The following PDE10A variants were observed in gnomAD, a reference collection of about 807,000 sequenced individuals.
PDE10A encodes cAMP and cAMP-inhibited cGMP 3',5'-cyclic phosphodiesterase 10A.
PDE10A carries 39 observed loss-of-function variants against 97.7 expected under a neutral mutation model. The ratio of observed to expected loss-of-function variants is 0.40; its 90% CI spans 0.31 to 0.52. The LOEUF is 0.52. Among genes scored for constraint, PDE10A ranks in the 20% least tolerant of loss-of-function variants. The pLI, the probability that PDE10A is intolerant of heterozygous loss-of-function variation, is 0.56. For synonymous variants in PDE10A, 371 were observed against 376.8 expected (o/e 0.98, Z 0.18); for missense variants, 731 against 1,047.8 (o/e 0.70, Z 4.17).
chr6:165,594,218 A>G (rs1177152825), intron 1 of PDE10A, among the ~76,000 whole-genome samples: 2 of 152,188 alleles, frequency 1.3e-5, no homozygotes, highest in Non-Finnish European at 2.9e-5. Context: ...TTCCTTGGAG[A>G]AGTGGCTGAT....
At chr6:165,455,660 C>A (rs1777912294) in intron 3 of PDE10A, among the ~76,000 whole-genome samples, 1 of 152,178 alleles carries the variant, frequency 6.6e-6, no homozygotes, top group Admixed American at 6.5e-5. Context: ...AGAAGAGGTT[C>A]TCTTAGGTTG....
At chr6:165,591,928 G>A (rs73022170) in intron 1 of PDE10A, among the ~76,000 whole-genome samples, 3 of 151,844 alleles carry the variant, frequency 2.0e-5, no homozygotes, top group Non-Finnish European at 4.4e-5. Context: ...AGACAAAAAT[G>A]CTATAGTAGC....
At chr6:165,522,383 T>C (rs1348826641) in intron 2 of PDE10A, among the ~76,000 whole-genome samples, 2 of 152,152 alleles carry the variant, frequency 1.3e-5, no homozygotes, top group Admixed American at 6.5e-5. Flanking sequence ...CTGATGAACA[T>C]AGATGGAAAA....
chr6:165,555,986 G>T (rs1399830372), intron 1 of PDE10A, among the ~76,000 whole-genome samples: 2 of 152,080 alleles, frequency 1.3e-5, no homozygotes, highest in Non-Finnish European at 1.5e-5. Flanking sequence ...TCAACAATTT[G>T]AAAAAACTTG....
chr6:165,796,815 A>G (rs1494768), intron 1 of PDE10A, among the ~76,000 whole-genome samples: 80,721 of 151,990 alleles, frequency 0.53, 21,771 homozygotes, highest in Middle Eastern at 0.6. Context: ...CACCAGCCCC[A>G]GCCCCACTTT....
At chr6:165,535,158 C>A (rs1474327436) in intron 2 of PDE10A, among the ~76,000 whole-genome samples, 1 of 151,700 alleles carries the variant, frequency 6.6e-6, no homozygotes, top group Non-Finnish European at 1.5e-5. Flanking sequence ...AGCAAACAAT[C>A]TAAAAATGAA....
chr6:165,884,546 C>A (rs919892807), intron 1 of PDE10A, among the ~76,000 whole-genome samples: 2 of 152,162 alleles, frequency 1.3e-5, no homozygotes, highest in South Asian at 2.1e-4. Flanking sequence ...CTGTCTCCCC[C>A]CTGAAACTCC....
At chr6:165,884,272 A>T (rs1463752772) in intron 1 of PDE10A, among the ~76,000 whole-genome samples, 1 of 152,238 alleles carries the variant, frequency 6.6e-6, no homozygotes, top group Non-Finnish European at 1.5e-5. Context: ...AGAGGCACAC[A>T]TTTTAAAAAC....
At chr6:165,737,334 C>T (rs1182163273) in intron 1 of PDE10A, among the ~76,000 whole-genome samples, 2 of 152,076 alleles carry the variant, frequency 1.3e-5, no homozygotes. Flanking sequence ...AAGGATACTA[C>T]AAGAAAAGAA....
intron 1 of PDE10A, among the ~76,000 whole-genome samples, chr6:165,561,274 T>C (rs889720950): frequency 1.3e-5 from 2 of 151,736 alleles, no homozygotes; most frequent in African/African-American, 2.4e-5. Flanking sequence ...CCTGCTGTCA[T>C]GTGAAGACAC....
At position 165,605,101 on chromosome 6, in the gene PDE10A, T is replaced by C. The variant is rs548531678; in HGVS notation, c.865+56846A>G. The stretch of plus-strand genomic sequence containing the variant: ...TTTATCAAATTTCATTGCTTCATTT[T>C]GCTCATACCTGTTCTCTTTCCATCT... On this transcript the variant is annotated intron_variant, in intron 1 of 21. Coordinates refer to ENST00000539869, the MANE Select transcript of PDE10A (RefSeq NM_001385079.1). Among the ~76,000 whole-genome samples the C allele has an allele frequency of 1.3e-4, 20 of 152,322 alleles. No individual in the cohort carries two copies. The South Asian group carries it at 4.1e-3, about 32-fold the overall frequency.
intron 1 of PDE10A, chr6:165,948,232 A>C (rs1274225108): frequency 6.6e-6 from 1 of 152,208 alleles, no homozygotes; most frequent in Non-Finnish European, 1.5e-5. Context: ...ACCTGAACCA[A>C]GAGTTTTATT....
chr6:165,931,153 C>A (rs763008285), intron 1 of PDE10A, among the ~76,000 whole-genome samples: 1 of 152,204 alleles, frequency 6.6e-6, no homozygotes, highest in African/African-American at 2.4e-5. Flanking sequence ...TTCTTCAGGC[C>A]TCTGCTCAAG....
At chr6:165,825,638 C>G (rs1779717400) in intron 1 of PDE10A, among the ~76,000 whole-genome samples, 2 of 152,168 alleles carry the variant, frequency 1.3e-5, no homozygotes, top group Non-Finnish European at 2.9e-5. Context: ...GGACGGAGGC[C>G]CTGGGGAAGA....
At chr6:165,884,328 C>T (rs1781572387) in intron 1 of PDE10A, among the ~76,000 whole-genome samples, 1 of 152,142 alleles carries the variant, frequency 6.6e-6, no homozygotes, top group Admixed American at 6.5e-5. Flanking sequence ...TGAATAAAAG[C>T]GTCTTTCATC....
chr6:165,593,465 A>G (rs1042038416), intron 1 of PDE10A, among the ~76,000 whole-genome samples: 2 of 152,076 alleles, frequency 1.3e-5, no homozygotes, highest in African/African-American at 4.8e-5. Context: ...AAAAGTTCAA[A>G]ATGTCCTGGC....
intron 1 of PDE10A, among the ~76,000 whole-genome samples, chr6:165,809,007 T>C (rs764517762): frequency 2.0e-5 from 3 of 152,172 alleles, no homozygotes; most frequent in Non-Finnish European, 4.4e-5. Context: ...ATTAAGGAGG[T>C]AAATAACCCC....
At chr6:165,764,829 G>A (rs973041942) in intron 1 of PDE10A, among the ~76,000 whole-genome samples, 8 of 152,302 alleles carry the variant, frequency 5.3e-5, no homozygotes, top group African/African-American at 9.6e-5. Context: ...GGACCCGAGC[G>A]GGTTGCCACT....
intron 1 of PDE10A, among the ~76,000 whole-genome samples, chr6:165,825,951 A>C (rs1183410742): frequency 6.6e-6 from 1 of 152,180 alleles, no homozygotes; most frequent in East Asian, 1.9e-4. Flanking sequence ...AAAATATTAC[A>C]GTCATAATTT....
Sources: gnomAD v4.1 joint callset for allele counts (sites outside exome capture counted in the v4.1 genomes callset) on GRCh38, gnomAD v4.1.1 for gene constraint, MANE v1.5 for transcripts, NCBI Gene and HGNC (gene_info 2026-07-23, HGNC 2026-07-21) for gene names.